Variants in PRPH2 observed in about 807,000 individuals in gnomAD.
The protein encoded by PRPH2 is peripherin-2.
In PRPH2, 17 loss-of-function variants were observed where a neutral mutation model predicts 31.3. The observed-to-expected ratio is 0.54, with a 90% CI of 0.37 to 0.81. The LOEUF (loss-of-function observed/expected upper bound fraction) is 0.81, where lower values mean the gene tolerates loss of function less well. Among genes scored for constraint, PRPH2 ranks in the 40% least tolerant of loss-of-function variants. PRPH2 has a pLI of 0.00. For missense variants in PRPH2, 430 were observed against 439.7 expected (o/e 0.98, Z 0.20); for synonymous variants, 165 against 184.4 (o/e 0.89, Z 0.85).
At chr6:42,713,810 C>T (rs1460668611) in intron 1 of PRPH2, among the ~76,000 whole-genome samples, 1 of 150,042 alleles carries the variant, frequency 6.7e-6, no homozygotes, top group African/African-American at 2.5e-5. Flanking sequence ...ATCCCAGCTA[C>T]TCAGGAGGCT....
chr6:42,698,447 C>T lies in PRPH2; in HGVS notation c.889G>A (p.Glu297Lys), dbSNP rs779048042. 25 of 1,614,044 alleles carry T rather than the reference C, an allele frequency of 1.5e-5. No individual in the cohort carries two copies. Among genetic ancestry groups the T allele is most frequent in the Admixed American group, 5.0e-5 (3 of 60,006 alleles). The change falls in exon 3 of 3, where the codon GAG (glutamate) becomes AAG (lysine). Residue 297 changes from glutamate to lysine, a missense_variant. Physicochemically the swap from Glu to Lys is moderately conservative, Grantham distance 56 (BLOSUM62 1). Coordinates refer to ENST00000230381, the MANE Select transcript of PRPH2 (RefSeq NM_000322.5). ...CCCTGGCTCTCGCTCTCAGATTCCT[C>T]GGGGTTGGACACACCATCCAGCGAC... is the stretch of plus-strand genomic sequence containing the variant. ...QTSLDGVSNPEESESESQGWL... is the reference protein window; with the variant it reads ...QTSLDGVSNPKESESESQGWL...
intron 1 of PRPH2, among the ~76,000 whole-genome samples, chr6:42,710,573 A>T (rs1800257634): frequency 6.6e-6 from 1 of 152,170 alleles, no homozygotes; most frequent in Admixed American, 6.5e-5. Context: ...CTTAGTGGTG[A>T]GCCGGCTATT....
intron 1 of PRPH2, among the ~76,000 whole-genome samples, chr6:42,707,192 G>A (rs1055056237): frequency 1.3e-5 from 2 of 152,070 alleles, no homozygotes; most frequent in South Asian, 2.1e-4. Context: ...GAGCCACTGC[G>A]CTCGGCTGAG....
At chr6:42,714,631 C>G (rs1043093582) in intron 1 of PRPH2, among the ~76,000 whole-genome samples, 2 of 152,144 alleles carry the variant, frequency 1.3e-5, no homozygotes, top group Admixed American at 6.6e-5. Flanking sequence ...ATCCTCCCAC[C>G]TTAGCCTCCC....
At chr6:42,704,218 A>C (rs1800105053) in intron 2 of PRPH2, 147 bp downstream of exon 2, 1 of 989,588 alleles carries the variant, frequency 1.0e-6, no homozygotes, top group Non-Finnish European at 1.5e-6. Flanking sequence ...GGTGGGGTTC[A>C]AGCCCAGACT....
chr6:42,699,094 C>A (rs1032566566), intron 2 of PRPH2, among the ~76,000 whole-genome samples: 10 of 150,828 alleles, frequency 6.6e-5, no homozygotes, highest in Admixed American at 6.6e-5. Flanking sequence ...ACTCTGTCAC[C>A]CATGCTGGAG....
chr6:42,713,604 T>C (rs1318194272), intron 1 of PRPH2, among the ~76,000 whole-genome samples: 2 of 151,976 alleles, frequency 1.3e-5, no homozygotes, highest in Admixed American at 1.3e-4. Flanking sequence ...CCTGTCCTTC[T>C]TGGAGAGGAA....
intron 1 of PRPH2, among the ~76,000 whole-genome samples, chr6:42,713,359 G>T (rs1761712092): frequency 6.6e-6 from 1 of 152,218 alleles, no homozygotes; most frequent in Non-Finnish European, 1.5e-5. Flanking sequence ...GTAGCAGGAA[G>T]TGTGTCCCCC....
chr6:42,706,975 CTTTTTTT>C, intron 1 of PRPH2, among the ~76,000 whole-genome samples: 1 of 123,628 alleles, frequency 8.1e-6, no homozygotes, highest in African/African-American at 3.1e-5. Context: ...TCTTGGAGAT[CTTTTTTT>C]TTTTTTTTTT....
Position 42,697,290 on chromosome 6 carries a change from A to G in PRPH2, c.*1005T>C, listed in dbSNP as rs1353365641. 6.6e-6 allele frequency: 1 copy of G among 152,186 alleles called. No individual in the cohort carries two copies. Among genetic ancestry groups the G allele is most frequent in the African/African-American group, 2.4e-5 (1 of 41,446 alleles). The allele number at this position is 152,186 out of a possible 1,614,324, so 9.4% of individuals were successfully genotyped here. The stretch of plus-strand genomic sequence containing the variant: ...AGAAATAGTGTTTTTCAAGATGGGT[A>G]TCTGGGGGGAAGAAACGGAAGAAGC... On this transcript the variant is annotated 3_prime_UTR_variant, in exon 3 of 3. Coordinates refer to ENST00000230381, the MANE Select transcript of PRPH2 (RefSeq NM_000322.5).
intron 1 of PRPH2, among the ~76,000 whole-genome samples, chr6:42,720,955 G>A (rs148629088): frequency 1.3e-5 from 2 of 152,344 alleles, no homozygotes; most frequent in East Asian, 1.9e-4. Context: ...ACAGCCCATC[G>A]CAGCATTTTA....
In PRPH2 at chr6:42,705,758, A is replaced by G. The variant is rs1351119587; in HGVS notation, c.582-1147T>C. ...GATCTTCATCAAGGTCAAGAGATCG[A>G]GACCATCCTGGCCAATATGGTGAAA... On this transcript the variant is annotated intron_variant, in intron 1 of 2. Coordinates refer to ENST00000230381, the MANE Select transcript of PRPH2 (RefSeq NM_000322.5). Among the ~76,000 whole-genome samples, 66 of 150,064 alleles carry G rather than the reference A, an allele frequency of 4.4e-4. 1 individual carries two copies. Among genetic ancestry groups the G allele is most frequent in the Non-Finnish European group, 3.0e-5 (2 of 67,560 alleles).
intron 1 of PRPH2, chr6:42,711,670 C>T (rs1286073762): frequency 8.5e-6 from 7 of 821,156 alleles, no homozygotes; most frequent in African/African-American, 3.7e-5. Flanking sequence ...AAAGAGTTCC[C>T]GTCTGAGAGG....
rs766939689 is a variant in PRPH2, at chr6:42,722,342, A to G, written c.-8T>C. 1.4e-5 allele frequency: 22 copies of G among 1,613,182 alleles called. No homozygotes were observed. Among genetic ancestry groups the G allele is most frequent in the East Asian group, 6.7e-5 (3 of 44,900 alleles). On this transcript the variant is annotated 5_prime_UTR_variant, in exon 1 of 3. Coordinates refer to ENST00000230381, the MANE Select transcript of PRPH2 (RefSeq NM_000322.5). The surrounding 1 kb of genome is among the most constrained non-coding windows in gnomAD (Gnocchi z 4.4). ...GACTTTCAGTAGCGCCATGCTTGCC[A>G]AGTGTAGTCCGGGTTGCTTCCCACA...
chr6:42,713,004 C>G (rs1353343621), intron 1 of PRPH2, among the ~76,000 whole-genome samples: 1 of 151,752 alleles, frequency 6.6e-6, no homozygotes, highest in African/African-American at 2.4e-5. Context: ...GTGGGTGGAT[C>G]ACCTGAGGTC....
At chr6:42,709,248 T>C (rs1800229626) in intron 1 of PRPH2, among the ~76,000 whole-genome samples, 1 of 150,070 alleles carries the variant, frequency 6.7e-6, no homozygotes, top group African/African-American at 2.5e-5. Context: ...AAGAATCACT[T>C]GAACCAGGGA....
Position 42,704,591 on chromosome 6 carries a change from T to C in PRPH2, c.602A>G (p.Asp201Gly), listed in dbSNP as rs1031799825. 6.2e-7 allele frequency: 1 copy of C among 1,614,024 alleles called. No homozygotes were observed. The highest frequency in any genetic ancestry group is 1.3e-5 in the African/African-American group (1 of 74,892). Residue 201 changes from aspartate to glycine, a missense_variant, in exon 2 of 3, where the codon GAT (aspartate) becomes GGT (glycine). By Grantham distance (94) the Asp-to-Gly change is moderately conservative. Transcript: ENST00000230381. Reference protein sequence around the residue: ...EVKDRIKSNVDGRYLVDGVPF... With the variant: ...EVKDRIKSNVGGRYLVDGVPF... The stretch of plus-strand genomic sequence containing the variant: ...GACGCCGTCCACCAGGTACCGCCCA[T>C]CCACGTTGCTCTTGATTCGACTTAA...
At chr6:42,715,999 G>A (rs1034330783) in intron 1 of PRPH2, among the ~76,000 whole-genome samples, 10 of 152,262 alleles carry the variant, frequency 6.6e-5, no homozygotes, top group South Asian at 4.2e-4. Context: ...AGCCCAGTCC[G>A]GTGAAGTGCC....
chr6:42,715,901 T>C (rs1404063049), intron 1 of PRPH2, among the ~76,000 whole-genome samples: 2 of 151,322 alleles, frequency 1.3e-5, no homozygotes, highest in Non-Finnish European at 2.9e-5. Context: ...AGTGGGGAGG[T>C]CCTAGGGAGG....
Sources: allele counts gnomAD v4.1 joint callset (sites outside exome capture counted in the v4.1 genomes callset), GRCh38; gene constraint gnomAD v4.1.1; non-coding constraint Gnocchi (gnomAD v3.1); transcripts MANE v1.5; gene names NCBI Gene and HGNC (gene_info 2026-07-23, HGNC 2026-07-21).